The following LRRC37A variants were observed in gnomAD, a reference collection of about 807,000 sequenced individuals.
LRRC37A encodes the protein leucine rich repeat containing 37A, also known as leucine-rich repeat-containing protein 37A.
A neutral mutation model predicts 35.4 loss-of-function variants in LRRC37A; 3 were observed. The ratio of observed to expected loss-of-function variants is 0.08; its 90% CI spans 0.04 to 0.22. LRRC37A has a LOEUF of 0.22. Ranked by LOEUF, LRRC37A falls within the 10% of genes least tolerant of loss-of-function variation. The probability of loss-of-function intolerance (pLI) is 1.00; values close to 1 mark genes in which losing one functional copy is unlikely to be tolerated. For missense variants in LRRC37A, 67 were observed against 565.3 expected, an observed-to-expected ratio of 0.12 and a Z score of 8.94; for synonymous variants, 23 against 215.0, an observed-to-expected ratio of 0.11 and a Z score of 7.81.
At chr17:46,286,602 T>G in the LRRC37A span, among the ~76,000 whole-genome samples, 2 of 152,054 alleles carry the variant, frequency 1.3e-5, no homozygotes, top group Non-Finnish European at 2.9e-5. Flanking sequence ...GTCTCAAACA[T>G]TCACTATGAA....
chr17:46,262,359 C>CTCTTCTTCTTCT, the LRRC37A span, among the ~76,000 whole-genome samples: 1 of 150,868 alleles, frequency 6.6e-6, no homozygotes, highest in Non-Finnish European at 1.5e-5. Flanking sequence ...CTCCCTTCCC[C>CTCTTCTTCTTCT]TCTTCTTCTT....
the LRRC37A span, among the ~76,000 whole-genome samples, chr17:46,251,006 T>G: frequency 6.6e-6 from 1 of 152,218 alleles, no homozygotes; most frequent in Non-Finnish European, 1.5e-5. Flanking sequence ...TCACTGCTTC[T>G]CAGCCTCCTG....
chr17:46,266,815 C>A, the LRRC37A span, among the ~76,000 whole-genome samples: 1 of 151,722 alleles, frequency 6.6e-6, no homozygotes, highest in African/African-American at 2.4e-5. Flanking sequence ...CACACGCTCC[C>A]ACAGGCCCGC....
the LRRC37A span, chr17:46,260,718 G>C: frequency 6.9e-6 from 6 of 872,620 alleles, no homozygotes; most frequent in African/African-American, 9.2e-5. Flanking sequence ...CCGCCTCCCG[G>C]GTTCAAGCGA....
chr17:46,264,640 C>T, the LRRC37A span, among the ~76,000 whole-genome samples: 4 of 152,250 alleles, frequency 2.6e-5, no homozygotes, highest in Admixed American at 2.6e-4. Flanking sequence ...AGATCAGTCT[C>T]TTTGAACTCT....
chr17:46,263,461 G>A, the LRRC37A span, among the ~76,000 whole-genome samples: 1 of 146,220 alleles, frequency 6.8e-6, no homozygotes, highest in African/African-American at 2.6e-5. Context: ...TGAGACAGGA[G>A]AATCGATTGA....
chr17:46,277,376 G>C, the LRRC37A span, among the ~76,000 whole-genome samples: 3 of 152,132 alleles, frequency 2.0e-5, no homozygotes, highest in African/African-American at 7.2e-5. Context: ...TCTGGGCTCT[G>C]CCAGCAAGTT....
chr17:46,288,305 CTTTTTTT>C (rs78255121), upstream of LRRC37A, among the ~76,000 whole-genome samples: 4 of 112,260 alleles, frequency 3.6e-5, no homozygotes, highest in Non-Finnish European at 6.9e-5. Context: ...CCAGGCCCGG[CTTTTTTT>C]TTTTTTTTTT....
intron 4 of LRRC37A, among the ~76,000 whole-genome samples, 187 bp from the exon 5 acceptor site, chr17:46,306,042 A>C (rs1429471410): frequency 1.2e-5 from 1 of 82,014 alleles, no homozygotes; most frequent in Non-Finnish European, 3.7e-5. Flanking sequence ...ACTGTTTTGT[A>C]TCTAATGCAC....
the LRRC37A span, among the ~76,000 whole-genome samples, chr17:46,276,931 G>C: frequency 6.6e-6 from 1 of 152,054 alleles, no homozygotes; most frequent in Non-Finnish European, 1.5e-5. Context: ...AGCCTCCTGG[G>C]TAGCTGGGAC....
the LRRC37A span, among the ~76,000 whole-genome samples, chr17:46,279,208 G>C: frequency 7.4e-6 from 1 of 135,848 alleles, no homozygotes; most frequent in African/African-American, 2.9e-5. Context: ...TTTTGAGACA[G>C]AGTCTCGCTC....
the LRRC37A span, among the ~76,000 whole-genome samples, chr17:46,251,014 C>A: frequency 6.6e-6 from 1 of 152,184 alleles, no homozygotes; most frequent in African/African-American, 2.4e-5. Flanking sequence ...TCTCAGCCTC[C>A]TGAGAGCCCA....
the LRRC37A span, among the ~76,000 whole-genome samples, chr17:46,262,472 C>T: frequency 1.3e-5 from 2 of 152,208 alleles, no homozygotes; most frequent in African/African-American, 4.8e-5. Flanking sequence ...TTCAGCTTCC[C>T]AAAGTCCTGG....
the LRRC37A span, among the ~76,000 whole-genome samples, chr17:46,287,131 A>G: frequency 2.6e-5 from 4 of 152,272 alleles, no homozygotes; most frequent in Non-Finnish European, 4.4e-5. Context: ...AAACTCCAGT[A>G]TCTGATGCTC....
intron 5 of LRRC37A, among the ~76,000 whole-genome samples, chr17:46,317,148 C>G (rs1385949843): frequency 1.1e-5 from 1 of 90,060 alleles, no homozygotes; most frequent in African/African-American, 3.0e-5. Context: ...GATGGGGTGG[C>G]GGCCGGGCAG....
the LRRC37A span, among the ~76,000 whole-genome samples, chr17:46,265,484 C>CTTTTTTT: frequency 1.0e-4 from 15 of 145,508 alleles, no homozygotes; most frequent in Non-Finnish European, 1.7e-4. Context: ...CTTCTTCTTT[C>CTTTTTTT]TTTTTTTTTC....
the LRRC37A span, among the ~76,000 whole-genome samples, chr17:46,255,363 C>CTTTTTT: frequency 1.6e-5 from 2 of 126,372 alleles, no homozygotes; most frequent in Non-Finnish European, 3.3e-5. Flanking sequence ...TCCCCAAATT[C>CTTTTTT]TTTTTTTTTT....
chr17:46,323,964 T>A (rs2051554230), intron 7 of LRRC37A, among the ~76,000 whole-genome samples: 1 of 102,154 alleles, frequency 9.8e-6, no homozygotes, highest in Non-Finnish European at 2.3e-5. Flanking sequence ...CATTATGTCA[T>A]TTCATAAAAA....
At chr17:46,275,463 T>A in the LRRC37A span, 1 of 783,646 alleles carries the variant, frequency 1.3e-6, no homozygotes, top group Non-Finnish European at 2.1e-6. Flanking sequence ...CTTTCATTTT[T>A]GAAAATGATG....
Sources: allele counts gnomAD v4.1 joint callset (sites outside exome capture counted in the v4.1 genomes callset), GRCh38; gene constraint gnomAD v4.1.1; transcripts MANE v1.5; gene names NCBI Gene and HGNC (gene_info 2026-07-23, HGNC 2026-07-21).